NRG1: variants seen among roughly 807,000 people sequenced by gnomAD.
NRG1 encodes neuregulin 1.
A neutral mutation model predicts 63.8 loss-of-function variants in NRG1; 18 were observed. The ratio of observed to expected loss-of-function variants is 0.28; its 90% CI spans 0.19 to 0.42. NRG1 has a LOEUF of 0.42. NRG1 is among the 10% of genes least tolerant of loss of function. NRG1 has a pLI of 1.00. For missense variants in NRG1, 762 were observed against 814.7 expected (o/e 0.94, Z 0.79); for synonymous variants, 302 against 301.3 (o/e 1.00, Z -0.02).
At chr8:31,847,477 C>A (rs976698231) in intron 1 of NRG1, among the ~76,000 whole-genome samples, 2 of 152,216 alleles carry the variant, frequency 1.3e-5, no homozygotes, top group Non-Finnish European at 2.9e-5. Context: ...CAGCCTACAA[C>A]TACAGAGGAT....
At chr8:32,099,939 G>A (rs762911405) in intron 1 of NRG1, among the ~76,000 whole-genome samples, 24 of 152,112 alleles carry the variant, frequency 1.6e-4, no homozygotes, top group Admixed American at 3.3e-4. Flanking sequence ...GGGGAACATG[G>A]ACTGGAGGGG....
intron 1 of NRG1, among the ~76,000 whole-genome samples, chr8:32,183,577 T>A (rs992834264): frequency 3.9e-5 from 6 of 152,122 alleles, no homozygotes; most frequent in Admixed American, 1.3e-4. Flanking sequence ...AATATTAACA[T>A]CACTAAATTT....
intron 1 of NRG1, among the ~76,000 whole-genome samples, chr8:32,081,065 G>A (rs1338398843): frequency 1.3e-5 from 2 of 151,972 alleles, no homozygotes; most frequent in African/African-American, 4.8e-5. Context: ...TGCTTGACTC[G>A]AAGTTCATTG....
intron 3 of NRG1, among the ~76,000 whole-genome samples, chr8:32,609,980 T>C (rs58276418): frequency 0.14 from 21,091 of 151,796 alleles, 3,380 homozygotes; most frequent in East Asian, 0.51. Context: ...CAAGAATTTA[T>C]TGTTTCATTG....
chr8:31,677,610 T>G (rs1326580410), intron 1 of NRG1, among the ~76,000 whole-genome samples: 1 of 152,082 alleles, frequency 6.6e-6, no homozygotes, highest in African/African-American at 2.4e-5. Flanking sequence ...TCTCAAAAAG[T>G]TCATCAACAT....
chr8:31,922,882 A>T (rs900295307), intron 1 of NRG1, among the ~76,000 whole-genome samples: 2 of 152,202 alleles, frequency 1.3e-5, no homozygotes, highest in Non-Finnish European at 2.9e-5. Context: ...AGGAGGAAAA[A>T]AAAGGAAGTA....
intron 1 of NRG1, among the ~76,000 whole-genome samples, chr8:31,828,441 T>C (rs577252383): frequency 6.6e-6 from 1 of 152,166 alleles, no homozygotes; most frequent in Non-Finnish European, 1.5e-5. Flanking sequence ...GGAGCTAAGG[T>C]CATGGCAGAA....
At chr8:32,072,351 C>A in intron 1 of NRG1, among the ~76,000 whole-genome samples, 1 of 150,538 alleles carries the variant, frequency 6.6e-6, no homozygotes, top group Middle Eastern at 3.5e-3. Flanking sequence ...CTCTATCTTT[C>A]ATTTCCTCTG....
intron 1 of NRG1, among the ~76,000 whole-genome samples, chr8:32,164,041 G>A (rs909193433): frequency 3.3e-5 from 5 of 152,272 alleles, no homozygotes; most frequent in Admixed American, 3.3e-4. Flanking sequence ...GTGAGTGCGT[G>A]AACATTCGAT....
intron 5 of NRG1, among the ~76,000 whole-genome samples, chr8:32,649,730 T>C (rs890337668): frequency 6.6e-6 from 1 of 152,198 alleles, no homozygotes; most frequent in African/African-American, 2.4e-5. Flanking sequence ...AAAGTCTTGT[T>C]TTCTAGGTGC....
chr8:31,814,697 TAATA>T (rs993052629), intron 1 of NRG1, among the ~76,000 whole-genome samples: 15 of 150,204 alleles, frequency 1.0e-4, no homozygotes, highest in Admixed American at 1.3e-4. Flanking sequence ...AAATAATTAA[TAATA>T]AATATTAATA....
intron 5 of NRG1, among the ~76,000 whole-genome samples, chr8:32,695,475 T>C (rs1813049026): frequency 6.6e-6 from 1 of 152,006 alleles, no homozygotes; most frequent in South Asian, 2.1e-4. Context: ...TATCACAGTT[T>C]TATGGGAAAG....
At chr8:31,839,565 G>C (rs931837000) in intron 1 of NRG1, among the ~76,000 whole-genome samples, 1 of 152,022 alleles carries the variant, frequency 6.6e-6, no homozygotes, top group African/African-American at 2.4e-5. Context: ...TATCCTTTTT[G>C]TGCCCAAACT....
intron 1 of NRG1, among the ~76,000 whole-genome samples, chr8:31,748,817 C>T (rs1465559929): frequency 6.6e-6 from 1 of 151,632 alleles, no homozygotes; most frequent in Non-Finnish European, 1.5e-5. Context: ...CTGTCTAATC[C>T]CTGAGAGTAA....
intron 1 of NRG1, among the ~76,000 whole-genome samples, chr8:31,678,451 G>A (rs889818962): frequency 6.6e-5 from 10 of 152,024 alleles, no homozygotes; most frequent in Non-Finnish European, 1.2e-4. Context: ...ATTGAATTTA[G>A]AAGTTTTCTT....
intron 1 of NRG1, among the ~76,000 whole-genome samples, chr8:31,906,449 C>A (rs150891605): frequency 1.1e-3 from 168 of 152,268 alleles, no homozygotes; most frequent in Middle Eastern, 6.8e-3. Context: ...GAGTTGGAGG[C>A]TGCTACCATA....
At chr8:31,702,809 T>C (rs1810760164) in intron 1 of NRG1, among the ~76,000 whole-genome samples, 1 of 152,150 alleles carries the variant, frequency 6.6e-6, no homozygotes. Context: ...CTGCAACAGC[T>C]ATAATTTTAA....
chr8:31,721,565 C>T (rs1812919520), intron 1 of NRG1, among the ~76,000 whole-genome samples: 1 of 152,152 alleles, frequency 6.6e-6, no homozygotes, highest in South Asian at 2.1e-4. Flanking sequence ...CCCTCTCCCT[C>T]TGACAAATTT....
At chr8:32,031,697 T>G (rs1478827040) in intron 1 of NRG1, among the ~76,000 whole-genome samples, 2 of 152,156 alleles carry the variant, frequency 1.3e-5, no homozygotes, top group Non-Finnish European at 2.9e-5. Flanking sequence ...TACTTATAAG[T>G]GAGAACGTGT....
Sources: allele counts gnomAD v4.1 joint callset (sites outside exome capture counted in the v4.1 genomes callset), GRCh38; gene constraint gnomAD v4.1.1; transcripts MANE v1.5; gene names NCBI Gene and HGNC (gene_info 2026-07-23, HGNC 2026-07-21).